ALDH1L1: variants seen among roughly 807,000 people sequenced by gnomAD.
ALDH1L1 encodes cytosolic 10-formyltetrahydrofolate dehydrogenase.
In ALDH1L1, 68 loss-of-function variants were observed where a neutral mutation model predicts 101.1. That is an observed-to-expected ratio of 0.67 (90% CI 0.55 to 0.82). The LOEUF is 0.82. ALDH1L1 is among the 40% of genes least tolerant of loss of function. The pLI, the probability that ALDH1L1 is intolerant of heterozygous loss-of-function variation, is 0.00. For synonymous variants in ALDH1L1, 486 were observed against 470.8 expected, an observed-to-expected ratio of 1.03 and a Z score of -0.42; for missense variants, 1,087 against 1,172.7, an observed-to-expected ratio of 0.93 and a Z score of 1.07.
intron 21 of ALDH1L1, 63 bp downstream of exon 21, chr3:126,107,078 T>G: frequency 6.8e-7 from 1 of 1,467,888 alleles, no homozygotes; most frequent in Non-Finnish European, 9.5e-7. Context: ...AAAGCCCACA[T>G]GAAGACCCCA....
Position 126,153,427 on chromosome 3 carries a change from C to T in ALDH1L1, c.858+17G>A, listed in dbSNP as rs1311282396. ...GGTGGCTTTGAGCAGGCAAGTGACC[C>T]ACAGCCGTGCCCTTACCATTTTGTC... is the stretch of plus-strand genomic sequence containing the variant. On this transcript the variant is annotated intron_variant, in intron 7 of 22. Transcript: ENST00000393434. 6.2e-6 allele frequency: 10 copies of T among 1,612,684 alleles called. No individual in the cohort carries two copies. Among genetic ancestry groups the T allele is most frequent in the Non-Finnish European group, 8.5e-6 (10 of 1,180,018 alleles).
chr3:126,106,402 G>A (rs920418360), intron 21 of ALDH1L1, among the ~76,000 whole-genome samples: 1 of 152,204 alleles, frequency 6.6e-6, no homozygotes, highest in Non-Finnish European at 1.5e-5. Flanking sequence ...GACGAGGCAC[G>A]ATTTTGCAAT....
chr3:126,114,491 G>A, intron 18 of ALDH1L1, 66 bp downstream of exon 18: 1 of 1,286,646 alleles, frequency 7.8e-7, no homozygotes, highest in Non-Finnish European at 1.0e-6. Flanking sequence ...CAGAGACAGG[G>A]CCTCCTGGTC....
At chr3:126,107,422 T>C (rs1945920134) in intron 20 of ALDH1L1, among the ~76,000 whole-genome samples, 176 bp from the exon 21 acceptor site, 1 of 152,186 alleles carries the variant, frequency 6.6e-6, no homozygotes, top group Admixed American at 6.5e-5. Context: ...CCCACCTGGC[T>C]TGTTCTTTGA....
chr3:126,110,337 T>G, intron 19 of ALDH1L1: 1 of 583,436 alleles, frequency 1.7e-6, no homozygotes, highest in Non-Finnish European at 3.0e-6. Context: ...CCCAGCAACA[T>G]ATGGGCTGGA....
chr3:126,189,579 A>G (rs2081540576), intron 1 of ALDH1L1, among the ~76,000 whole-genome samples: 1 of 152,178 alleles, frequency 6.6e-6, no homozygotes, highest in Non-Finnish European at 1.5e-5. Context: ...TTCCAGGGCA[A>G]TCTTTCTTTG....
intron 12 of ALDH1L1, among the ~76,000 whole-genome samples, chr3:126,132,113 C>T (rs1352640692): frequency 6.6e-6 from 1 of 152,248 alleles, no homozygotes; most frequent in Non-Finnish European, 1.5e-5. Context: ...GGTCGGGTTG[C>T]CCTCCCTTGA....
upstream of ALDH1L1, chr3:126,181,240 T>C (rs1008823728): frequency 4.3e-5 from 25 of 578,886 alleles, no homozygotes; most frequent in Admixed American, 2.4e-4. Flanking sequence ...GGCAAGGCCA[T>C]GTAGAATGCC....
At position 126,136,819 on chromosome 3, in the gene ALDH1L1, A is replaced by G; in HGVS notation, c.1289T>C (p.Phe430Ser). The G allele has an allele frequency of 6.2e-7, 1 of 1,607,830 alleles. No individual in the cohort carries two copies. Among genetic ancestry groups the G allele is most frequent in the Non-Finnish European group, 8.5e-7 (1 of 1,177,226 alleles). The stretch of plus-strand genomic sequence containing the variant: ...GGTCTTGGCGCCCTCGGCATCCACG[A>G]ACTCCCCCCCAATGAAGAGCTGGTG... Reference protein sequence around the residue: ...MPHQLFIGGEFVDAEGAKTSE... With the variant: ...MPHQLFIGGESVDAEGAKTSE... Residue 430 changes from phenylalanine (F) to serine (S), a missense_variant, in exon 11 of 23, where the codon TTC becomes TCC. Phe to Ser is a radical substitution (Grantham distance 155). This residue lies in a region of ALDH1L1 where 645 missense variants were observed against 637.0 expected (regional missense o/e 1.01). Transcript: ENST00000393434.
intron 5 of ALDH1L1, among the ~76,000 whole-genome samples, chr3:126,154,985 C>A (rs1433716002): frequency 1.3e-5 from 2 of 152,224 alleles, no homozygotes; most frequent in Non-Finnish European, 2.9e-5. Context: ...CCCCACACAG[C>A]AACCCATACT....
intron 19 of ALDH1L1, 117 bp downstream of exon 19, chr3:126,112,665 T>C: frequency 2.1e-6 from 2 of 958,662 alleles, no homozygotes; most frequent in Admixed American, 3.7e-5. Context: ...GGGAGTGTCC[T>C]CCAGGAGGAG....
intron 1 of ALDH1L1, among the ~76,000 whole-genome samples, chr3:126,174,022 C>T (rs62266679): frequency 0.11 from 16,424 of 152,218 alleles, 985 homozygotes; most frequent in Non-Finnish European, 0.13. Context: ...ACATCAACAC[C>T]TCTCTGTCAG....
intron 7 of ALDH1L1, 118 bp downstream of exon 7, chr3:126,153,326 G>T: frequency 1.3e-6 from 2 of 1,507,722 alleles, no homozygotes; most frequent in Non-Finnish European, 9.1e-7. Flanking sequence ...GTTCCTTCCT[G>T]GGTCTGGTTT....
chr3:126,123,525 T>C (rs571917810), intron 16 of ALDH1L1, among the ~76,000 whole-genome samples: 2 of 151,976 alleles, frequency 1.3e-5, no homozygotes, highest in South Asian at 2.1e-4. Context: ...CCCAAAGTGC[T>C]GGGATTACAG....
intron 9 of ALDH1L1, among the ~76,000 whole-genome samples, chr3:126,139,006 C>G (rs1442962514): frequency 6.6e-6 from 1 of 152,212 alleles, no homozygotes; most frequent in Non-Finnish European, 1.5e-5. Context: ...CTGTCACCCC[C>G]CACCTCCCAC....
chr3:126,109,822 T>C, intron 20 of ALDH1L1, 122 bp downstream of exon 20: 1 of 1,403,498 alleles, frequency 7.1e-7, no homozygotes, highest in Non-Finnish European at 9.6e-7. Flanking sequence ...CAGATGGGGC[T>C]GCAGCCTGAC....
chr3:126,105,991 C>T (rs1391424572), intron 21 of ALDH1L1, 66 bp from the exon 22 acceptor site: 3 of 1,491,242 alleles, frequency 2.0e-6, no homozygotes, highest in Non-Finnish European at 2.8e-6. Flanking sequence ...CCACTCCACA[C>T]CCCGGCCCAC....
Position 126,157,468 on chromosome 3 carries a change from A to G in ALDH1L1, c.403T>C (p.Phe135Leu). 1 of 1,614,114 alleles carries G rather than the reference A, an allele frequency of 6.2e-7. No individual in the cohort carries two copies. Among genetic ancestry groups the G allele is most frequent in the Non-Finnish European group, 8.5e-7 (1 of 1,180,000 alleles). ...HGDKKGGFSI[F>L]WADDGLDTGD... ...GTGTCCAGACCATCATCCGCCCAGA[A>G]GATGGAAAACCCCCCTTTCTTATCT... is the stretch of plus-strand genomic sequence containing the variant. The change falls in exon 4 of 23, where the codon TTC becomes CTC. Residue 135 changes from phenylalanine to leucine, a missense_variant. Physicochemically the swap from Phe to Leu is conservative, Grantham distance 22 (BLOSUM62 0). This residue lies in a region of ALDH1L1 where 645 missense variants were observed against 637.0 expected (regional missense o/e 1.01). Transcript: ENST00000393434.
chr3:126,143,831 C>A (rs2080618379), intron 9 of ALDH1L1, among the ~76,000 whole-genome samples: 2 of 152,140 alleles, frequency 1.3e-5, no homozygotes, highest in Admixed American at 6.5e-5. Context: ...TGCAGTCCTG[C>A]TACTCAGGAG....
Sources: gnomAD v4.1 joint callset for allele counts (sites outside exome capture counted in the v4.1 genomes callset) on GRCh38, gnomAD v4.1.1 for gene constraint, gnomAD v4.1.1 regional missense constraint, MANE v1.5 for transcripts, NCBI Gene and HGNC (gene_info 2026-07-23, HGNC 2026-07-21) for gene names.